PTBP3: variants seen among roughly 807,000 people sequenced by gnomAD.
PTBP3 encodes polypyrimidine tract binding protein 3.
Under a neutral mutation model 58.7 loss-of-function variants are expected in PTBP3, and 20 were observed. The observed-to-expected ratio is 0.34, with a 90% CI of 0.24 to 0.50. PTBP3 has a LOEUF of 0.50. PTBP3 is among the 20% of genes least tolerant of loss of function. The pLI is 0.98. For synonymous variants in PTBP3, 185 were observed against 219.8 expected (o/e 0.84, Z 1.40); for missense variants, 509 against 637.2 (o/e 0.80, Z 2.17).
intron 10 of PTBP3, among the ~76,000 whole-genome samples, chr9:112,229,100 T>C (rs1835104259): frequency 6.6e-6 from 1 of 152,318 alleles, no homozygotes; most frequent in East Asian, 1.9e-4. Flanking sequence ...TACTAATCTA[T>C]TTATATAAAC....
chr9:112,300,747 G>A (rs1034788746), intron 1 of PTBP3, among the ~76,000 whole-genome samples: 3 of 145,764 alleles, frequency 2.1e-5, no homozygotes, highest in African/African-American at 2.8e-5. Flanking sequence ...GCGAGACTCC[G>A]TCTCAAAGAA....
At chr9:112,249,053 T>C (rs1835998000) in intron 7 of PTBP3, among the ~76,000 whole-genome samples, 1 of 152,196 alleles carries the variant, frequency 6.6e-6, no homozygotes, top group African/African-American at 2.4e-5. Flanking sequence ...AAATACAGCT[T>C]TAAAATTTTT....
chr9:112,341,917 T>C, the PTBP3 span, among the ~76,000 whole-genome samples: 1 of 152,214 alleles, frequency 6.6e-6, no homozygotes, highest in Non-Finnish European at 1.5e-5. Flanking sequence ...ACTTGCCTGC[T>C]TTAAGAGACA....
upstream of PTBP3, among the ~76,000 whole-genome samples, chr9:112,334,119 C>T (rs1830511834): frequency 6.6e-6 from 1 of 151,834 alleles, no homozygotes; most frequent in Non-Finnish European, 1.5e-5. Context: ...CTGTAGATGA[C>T]ACGTCCAGGG....
At chr9:112,245,523 G>T (rs1835842006) in intron 7 of PTBP3, among the ~76,000 whole-genome samples, 1 of 151,848 alleles carries the variant, frequency 6.6e-6, no homozygotes, top group African/African-American at 2.4e-5. Flanking sequence ...CACACACACA[G>T]AAACATATAT....
At chr9:112,365,714 G>C in the PTBP3 span, among the ~76,000 whole-genome samples, 7 of 152,160 alleles carry the variant, frequency 4.6e-5, no homozygotes, top group Admixed American at 1.3e-4. Context: ...AGTTTGGAGG[G>C]CTCAGAAGAA....
At chr9:112,331,082 AACACACACACACACACACACAC>A (rs10660591) in intron 1 of PTBP3, among the ~76,000 whole-genome samples, 4 of 139,434 alleles carry the variant, frequency 2.9e-5, no homozygotes, top group Non-Finnish European at 6.2e-5. Context: ...GGAGGAAACG[AACACACACACACACACACACAC>A]ACACACACAC....
intron 3 of PTBP3, among the ~76,000 whole-genome samples, chr9:112,274,089 T>G (rs775507421): frequency 6.6e-6 from 1 of 152,118 alleles, no homozygotes; most frequent in East Asian, 1.9e-4. Context: ...AAAATAACGA[T>G]CTAACTGGCA....
intron 4 of PTBP3, among the ~76,000 whole-genome samples, chr9:112,266,482 A>C (rs1836804672): frequency 6.6e-6 from 1 of 152,214 alleles, no homozygotes; most frequent in South Asian, 2.1e-4. Flanking sequence ...GTGTCCCAGC[A>C]ATTTCATACA....
At chr9:112,370,013 T>C in the PTBP3 span, among the ~76,000 whole-genome samples, 1 of 152,212 alleles carries the variant, frequency 6.6e-6, no homozygotes, top group African/African-American at 2.4e-5. Context: ...CTTTTGCTCC[T>C]CCTTTGCCTT....
intron 2 of PTBP3, among the ~76,000 whole-genome samples, chr9:112,276,254 T>C (rs1331824112): frequency 1.3e-5 from 2 of 152,186 alleles, no homozygotes; most frequent in Non-Finnish European, 2.9e-5. Flanking sequence ...AGTCTGATTT[T>C]TAACTTCAAG....
At chr9:112,356,144 A>AT in the PTBP3 span, among the ~76,000 whole-genome samples, 11 of 151,180 alleles carry the variant, frequency 7.3e-5, no homozygotes, top group East Asian at 9.7e-4. Flanking sequence ...CACCAAGCTA[A>AT]TTTTTTGTAT....
chr9:112,252,138 T>C (rs2027383), intron 6 of PTBP3: 129,114 of 152,258 alleles, frequency 0.85, 55,172 homozygotes, highest in African/African-American at 0.95. Context: ...CACGAATTGA[T>C]AGCAGCATAT....
upstream of PTBP3, chr9:112,333,670 CT>C (rs1391841438): frequency 3.8e-6 from 2 of 527,300 alleles, no homozygotes; most frequent in Non-Finnish European, 6.4e-6. Flanking sequence ...GCGCCCCCGC[CT>C]TCCCCACCCC....
the PTBP3 span, among the ~76,000 whole-genome samples, chr9:112,373,519 C>T: frequency 9.2e-4 from 140 of 152,280 alleles, 2 homozygotes; most frequent in East Asian, 0.025. Flanking sequence ...ACAGACACAC[C>T]GAGGATCAAT....
At chr9:112,281,701 A>T (rs1169213742) in intron 2 of PTBP3, among the ~76,000 whole-genome samples, 2 of 152,110 alleles carry the variant, frequency 1.3e-5, no homozygotes, top group Non-Finnish European at 2.9e-5. Flanking sequence ...TCAATAACTA[A>T]TTTGATTTTT....
At chr9:112,268,363 A>G (rs1018792272) in intron 3 of PTBP3, among the ~76,000 whole-genome samples, 168 bp from the exon 4 acceptor site, 5 of 152,210 alleles carry the variant, frequency 3.3e-5, no homozygotes, top group Non-Finnish European at 7.3e-5. Context: ...AATATCATGG[A>G]CGTTAATTAA....
chr9:112,237,081 T>C (rs1406501645), intron 7 of PTBP3, among the ~76,000 whole-genome samples: 1 of 152,112 alleles, frequency 6.6e-6, no homozygotes, highest in Non-Finnish European at 1.5e-5. Flanking sequence ...TGAGGAAAGA[T>C]TTTGAGATAA....
chr9:112,343,496 T>C, the PTBP3 span, among the ~76,000 whole-genome samples: 1 of 152,186 alleles, frequency 6.6e-6, no homozygotes, highest in Non-Finnish European at 1.5e-5. Flanking sequence ...CAGTTTAAAA[T>C]ATCTTACATG....
Sources: allele counts gnomAD v4.1 joint callset (sites outside exome capture counted in the v4.1 genomes callset), GRCh38; gene constraint gnomAD v4.1.1; transcripts MANE v1.5; gene names NCBI Gene and HGNC (gene_info 2026-07-23, HGNC 2026-07-21).